The following CDK14 variants were observed in gnomAD, a reference collection of about 807,000 sequenced individuals.
CDK14 encodes cyclin dependent kinase 14.
In CDK14, 34 loss-of-function variants were observed where a neutral mutation model predicts 60.7. The ratio of observed to expected loss-of-function variants is 0.56; its 90% CI spans 0.43 to 0.75. The LOEUF (loss-of-function observed/expected upper bound fraction) is 0.75. Among genes scored for constraint, CDK14 ranks in the 30% least tolerant of loss-of-function variants. The pLI is 0.00. For missense variants in CDK14, 482 were observed against 564.1 expected, an observed-to-expected ratio of 0.85 and a Z score of 1.47; for synonymous variants, 197 against 203.7, an observed-to-expected ratio of 0.97 and a Z score of 0.28.
At chr7:91,010,004 A>G (rs927594449) in intron 10 of CDK14, among the ~76,000 whole-genome samples, 3 of 152,054 alleles carry the variant, frequency 2.0e-5, no homozygotes, top group African/African-American at 7.2e-5. Context: ...TATTTTTGAC[A>G]TATAGTTTTT....
chr7:91,052,877 A>T (rs1797430572), intron 11 of CDK14, among the ~76,000 whole-genome samples: 1 of 152,210 alleles, frequency 6.6e-6, no homozygotes, highest in Non-Finnish European at 1.5e-5. Context: ...AGAATTTGCC[A>T]TTGGAGGCAA....
chr7:90,772,764 G>C (rs1490615383), intron 4 of CDK14, among the ~76,000 whole-genome samples: 1 of 152,038 alleles, frequency 6.6e-6, no homozygotes, highest in East Asian at 1.9e-4. Context: ...TGTCTTTATA[G>C]CATGCAAGAA....
intron 14 of CDK14, among the ~76,000 whole-genome samples, chr7:91,119,721 T>C (rs1331339435): frequency 1.3e-5 from 2 of 152,206 alleles, no homozygotes; most frequent in East Asian, 1.9e-4. Flanking sequence ...GGGTCAATTT[T>C]GGCCTATCAG....
chr7:90,737,588 C>T (rs1803174557), intron 3 of CDK14, among the ~76,000 whole-genome samples: 1 of 152,164 alleles, frequency 6.6e-6, no homozygotes, highest in African/African-American at 2.4e-5. Flanking sequence ...CATACCTCTG[C>T]ACAGCACCTA....
At chr7:91,133,594 A>G (rs1458447635) in intron 14 of CDK14, among the ~76,000 whole-genome samples, 1 of 152,182 alleles carries the variant, frequency 6.6e-6, no homozygotes, top group Non-Finnish European at 1.5e-5. Flanking sequence ...GTGAAAGTAG[A>G]ATATTTTGCT....
intron 4 of CDK14, among the ~76,000 whole-genome samples, chr7:90,752,287 T>TAA (rs34988910): frequency 2.5e-4 from 38 of 149,404 alleles, no homozygotes; most frequent in South Asian, 2.5e-3. Flanking sequence ...CTCAGTAAAT[T>TAA]AAAAAAAAAA....
chr7:91,023,140 A>C (rs1337381837), intron 10 of CDK14, among the ~76,000 whole-genome samples: 1 of 152,138 alleles, frequency 6.6e-6, no homozygotes, highest in African/African-American at 2.4e-5. Context: ...GTCCACCATG[A>C]TGATGTATTT....
Position 91,210,477 on chromosome 7 carries a change from A to G in CDK14, c.*3341A>G, listed in dbSNP as rs1040833187. The G allele has an allele frequency of 6.6e-6, 1 of 152,388 alleles. No individual in the cohort carries two copies. The highest frequency in any genetic ancestry group is 2.4e-5 in the African/African-American group (1 of 41,440). The allele number at this position is 152,388 out of a possible 1,614,324, so 9.4% of individuals were successfully genotyped here. ...AGGAGAATGGAATAATACATGTTGC[A>G]TATTTGTTACCAGTTGTAATTTGTC... On this transcript the variant is annotated 3_prime_UTR_variant, in exon 15 of 15. Coordinates refer to ENST00000380050, the MANE Select transcript of CDK14 (RefSeq NM_001287135.2).
chr7:91,040,139 C>A (rs942434217), intron 10 of CDK14, among the ~76,000 whole-genome samples: 13 of 152,154 alleles, frequency 8.5e-5, no homozygotes, highest in African/African-American at 2.4e-4. Context: ...GATCCTGAAA[C>A]CTTTCTCCTC....
intron 7 of CDK14, among the ~76,000 whole-genome samples, chr7:90,916,068 G>A (rs1194232797): frequency 6.6e-6 from 1 of 151,878 alleles, no homozygotes; most frequent in African/African-American, 2.4e-5. Flanking sequence ...TTTTTATTTC[G>A]TTTTTTTAAA....
intron 5 of CDK14, among the ~76,000 whole-genome samples, chr7:90,853,803 G>GT (rs1790732514): frequency 6.6e-6 from 1 of 152,098 alleles, no homozygotes; most frequent in Non-Finnish European, 1.5e-5. Flanking sequence ...GTAGCTTTGG[G>GT]ATAGGACTCC....
At chr7:90,668,158 A>G (rs77205987) in intron 2 of CDK14, among the ~76,000 whole-genome samples, 11,538 of 152,076 alleles carry the variant, frequency 0.076, 579 homozygotes, top group East Asian at 0.19. Context: ...AAGGTTTCCA[A>G]TTTCTCCATA....
chr7:90,957,629 G>T (rs1794469982), intron 9 of CDK14, among the ~76,000 whole-genome samples: 1 of 151,974 alleles, frequency 6.6e-6, no homozygotes, highest in Non-Finnish European at 1.5e-5. Flanking sequence ...AAAATACCTA[G>T]GAATCCAACT....
rs1797217441 is a variant in CDK14, at chr7:91,045,887, T to TC, written c.1042-9dup. The TC allele has an allele frequency of 6.3e-7, 1 of 1,593,044 alleles. No individual in the cohort carries two copies. Among genetic ancestry groups the TC allele is most frequent in the African/African-American group, 1.3e-5 (1 of 74,458 alleles). ...TAAGGCTGTTTCCACAATCTCCTACTCTCCACTAGGTTCTTGGAACACCAA... is the reference window on the plus strand; with the variant it reads ...TAAGGCTGTTTCCACAATCTCCTACTCCTCCACTAGGTTCTTGGAACACCAA... On this transcript the variant is annotated splice_polypyrimidine_tract_variant and intron_variant, in intron 10 of 14. Coordinates refer to ENST00000380050, the MANE Select transcript of CDK14 (RefSeq NM_001287135.2).
intron 10 of CDK14, among the ~76,000 whole-genome samples, chr7:90,991,991 G>A (rs1363365489): frequency 1.3e-5 from 2 of 152,202 alleles, no homozygotes; most frequent in African/African-American, 4.8e-5. Context: ...AAAAGTCTAT[G>A]TGGAAGAAAA....
At chr7:90,980,531 T>C (rs1444469288) in intron 9 of CDK14, among the ~76,000 whole-genome samples, 2 of 152,180 alleles carry the variant, frequency 1.3e-5, no homozygotes, top group Non-Finnish European at 2.9e-5. Flanking sequence ...AGTTTCTTCA[T>C]ATTAAATTGA....
At chr7:90,684,125 A>G (rs950794784) in intron 2 of CDK14, among the ~76,000 whole-genome samples, 6 of 152,212 alleles carry the variant, frequency 3.9e-5, no homozygotes, top group African/African-American at 1.4e-4. Flanking sequence ...TAAAATCTAT[A>G]TTATATCTAA....
At chr7:91,064,855 T>C (rs1455147391) in intron 11 of CDK14, among the ~76,000 whole-genome samples, 1 of 152,182 alleles carries the variant, frequency 6.6e-6, no homozygotes, top group African/African-American at 2.4e-5. Flanking sequence ...AGCTGTAAAT[T>C]TGTTCTTGTT....
intron 14 of CDK14, among the ~76,000 whole-genome samples, chr7:91,176,999 AC>A (rs1478998635): frequency 2.6e-5 from 4 of 151,338 alleles, no homozygotes; most frequent in Non-Finnish European, 5.9e-5. Flanking sequence ...AGGCAGAGAC[AC>A]AACCAAAAAA....
Sources: allele counts gnomAD v4.1 joint callset (sites outside exome capture counted in the v4.1 genomes callset), GRCh38; gene constraint gnomAD v4.1.1; transcripts MANE v1.5; gene names NCBI Gene and HGNC (gene_info 2026-07-23, HGNC 2026-07-21).